Variants in ADK observed in about 807,000 individuals in gnomAD.
ADK encodes the protein adenosine kinase.
In ADK, 24 loss-of-function variants were observed where a neutral mutation model predicts 44.7. The observed-to-expected ratio is 0.54, with a 90% CI of 0.39 to 0.76. ADK has a LOEUF of 0.76. ADK is among the 30% of genes least tolerant of loss of function. The pLI is 0.00. For missense variants in ADK, 321 were observed against 425.1 expected (o/e 0.76, Z 2.15); for synonymous variants, 128 against 142.6 (o/e 0.90, Z 0.73).
chr10:74,641,966 T>A (rs1052707694), intron 9 of ADK, among the ~76,000 whole-genome samples: 1 of 152,242 alleles, frequency 6.6e-6, no homozygotes, highest in Non-Finnish European at 1.5e-5. Context: ...GAATCTCTTC[T>A]ATGAAATCAA....
intron 10 of ADK, among the ~76,000 whole-genome samples, chr10:74,694,272 C>A (rs1477968093): frequency 6.8e-6 from 1 of 147,090 alleles, no homozygotes; most frequent in East Asian, 2.0e-4. Flanking sequence ...CAGGATCAGG[C>A]CAGTGTGGTA....
chr10:74,662,404 C>T (rs1271422836), intron 9 of ADK, among the ~76,000 whole-genome samples: 1 of 152,152 alleles, frequency 6.6e-6, no homozygotes, highest in Non-Finnish European at 1.5e-5. Context: ...CCTCAGCCTA[C>T]TGAGTAGCTG....
rs149910841 is a variant in ADK at position 74,596,945 on chromosome 10, A to G, written c.763-3434A>G. The stretch of plus-strand genomic sequence containing the variant: ...TACTGACTAGAGAAGTTAAGATTTA[A>G]TGAGCACTTTAGAGCTATGTACATG... On this transcript the variant is annotated intron_variant, in intron 8 of 10. Coordinates refer to ENST00000539909, the MANE Select transcript of ADK (RefSeq NM_006721.4). Among the ~76,000 whole-genome samples, 894 of 152,330 alleles carry G rather than the reference A, an allele frequency of 5.9e-3. 5 individuals carry two copies. The highest frequency in any genetic ancestry group is 0.017 in the Middle Eastern group (5 of 294).
At chr10:74,263,787 G>A (rs767055248) in intron 3 of ADK, among the ~76,000 whole-genome samples, 114 of 152,246 alleles carry the variant, frequency 7.5e-4, no homozygotes, top group South Asian at 1.5e-3. Context: ...CCTTCGGCTC[G>A]CTTTTTCGTG....
chr10:74,580,127 T>C (rs895788531), intron 7 of ADK, among the ~76,000 whole-genome samples: 3 of 152,256 alleles, frequency 2.0e-5, no homozygotes, highest in African/African-American at 4.8e-5. Context: ...AAACAAAATA[T>C]TTGATATGGT....
intron 3 of ADK, among the ~76,000 whole-genome samples, chr10:74,265,355 A>G (rs1359276232): frequency 6.6e-6 from 1 of 151,916 alleles, no homozygotes; most frequent in Non-Finnish European, 1.5e-5. Context: ...AGCTAGGACT[A>G]CAGGTGCGCA....
chr10:74,615,294 T>A lies in ADK; in HGVS notation c.877+14801T>A, dbSNP rs74340371. ...ACTCATTATGGTTACATTATTCATTTGTAATACAGGTAGGGTCACTTGTTA... is the reference window on the plus strand; with the variant it reads ...ACTCATTATGGTTACATTATTCATTAGTAATACAGGTAGGGTCACTTGTTA... On this transcript the variant is annotated intron_variant, in intron 9 of 10. Transcript: ENST00000539909. Among the ~76,000 whole-genome samples the A allele has an allele frequency of 4.5e-3, 678 of 152,342 alleles. 6 individuals are homozygous for A. The highest frequency in any genetic ancestry group is 0.015 in the African/African-American group (636 of 41,584).
chr10:74,693,256 A>T (rs1856056412), intron 10 of ADK, among the ~76,000 whole-genome samples: 1 of 152,188 alleles, frequency 6.6e-6, no homozygotes, highest in Non-Finnish European at 1.5e-5. Context: ...TAAGGGGATG[A>T]GGGAAGATTT....
intron 6 of ADK, among the ~76,000 whole-genome samples, chr10:74,500,606 T>C (rs1847856893): frequency 6.6e-6 from 1 of 152,248 alleles, no homozygotes; most frequent in Non-Finnish European, 1.5e-5. Flanking sequence ...TAGTCACTTT[T>C]CTTATTTTAA....
chr10:74,474,628 C>T (rs1327955040), intron 6 of ADK, among the ~76,000 whole-genome samples: 1 of 151,780 alleles, frequency 6.6e-6, no homozygotes. Flanking sequence ...GCTGAAACCT[C>T]AGCATCCTGG....
intron 1 of ADK, among the ~76,000 whole-genome samples, chr10:74,187,622 A>G (rs1241614364): frequency 2.0e-5 from 3 of 152,078 alleles, no homozygotes. Flanking sequence ...AGCAAGTTGA[A>G]TTTGTTGATT....
At position 74,203,951 on chromosome 10, in the gene ADK, C is replaced by CTTTTTTTTTTTTTTTTTTTT. The variant is rs760810639; in HGVS notation, c.140+3116_140+3135dup. ...AGAATGTCTTTCCATTTATTTAGGTCTTTTTTTTTTTTTTTTTTTTTTGGA... is the reference window on the plus strand; with the variant it reads ...AGAATGTCTTTCCATTTATTTAGGTCTTTTTTTTTTTTTTTTTTTTTTTTTTTTTTTTTTTTTTTTTTGGA... On this transcript the variant is annotated intron_variant, in intron 2 of 10. Transcript: ENST00000539909. 2.1e-5 allele frequency among the ~76,000 whole-genome samples: 2 copies of CTTTTTTTTTTTTTTTTTTTT among 95,832 alleles called. 1 individual carries two copies. The highest frequency in any genetic ancestry group is 8.3e-5 in the African/African-American group (2 of 23,994). 62.9% of individuals were successfully genotyped at this position (95,832 alleles called of 152,430 possible). A position where few individuals can be genotyped will look rare whatever the true frequency, so the allele number is the denominator to read the frequency against.
chr10:74,519,754 G>A (rs1848732146), intron 6 of ADK, among the ~76,000 whole-genome samples: 1 of 151,668 alleles, frequency 6.6e-6, no homozygotes, highest in Non-Finnish European at 1.5e-5. Context: ...TAATGTTATG[G>A]TTTATTTATC....
At chr10:74,474,022 G>A (rs1645662381) in intron 6 of ADK, among the ~76,000 whole-genome samples, 1 of 152,104 alleles carries the variant, frequency 6.6e-6, no homozygotes, top group African/African-American at 2.4e-5. Flanking sequence ...CAACTATGGT[G>A]TTCTAATGGT....
At chr10:74,393,992 C>T (rs972081253) in intron 4 of ADK, 149 bp from the exon 5 acceptor site, 24 of 807,266 alleles carry the variant, frequency 3.0e-5, no homozygotes, top group East Asian at 2.5e-4. Context: ...TTTTTTTAAT[C>T]GTAAGTGATA....
chr10:74,451,843 A>G (rs1056681779), intron 6 of ADK, among the ~76,000 whole-genome samples: 5 of 152,116 alleles, frequency 3.3e-5, no homozygotes, highest in African/African-American at 9.6e-5. Context: ...GTATTTTTTG[A>G]TAGAATAGTA....
chr10:74,220,389 A>T (rs1228590875), intron 2 of ADK, among the ~76,000 whole-genome samples: 1 of 152,160 alleles, frequency 6.6e-6, no homozygotes, highest in Non-Finnish European at 1.5e-5. Context: ...TAGCTTACCA[A>T]CCAAAAAGAG....
chr10:74,216,839 A>G (rs1055609218), intron 2 of ADK, among the ~76,000 whole-genome samples: 1 of 152,200 alleles, frequency 6.6e-6, no homozygotes, highest in Non-Finnish European at 1.5e-5. Flanking sequence ...TTCATTCACA[A>G]TAGGTGAGGA....
intron 10 of ADK, among the ~76,000 whole-genome samples, chr10:74,690,999 A>G (rs991043972): frequency 5.3e-5 from 8 of 152,258 alleles, no homozygotes; most frequent in Admixed American, 2.0e-4. Flanking sequence ...CAGATCAGTC[A>G]AAGTTATAAT....
Sources: gnomAD v4.1 joint callset for allele counts (sites outside exome capture counted in the v4.1 genomes callset) on GRCh38, gnomAD v4.1.1 for gene constraint, MANE v1.5 for transcripts, NCBI Gene and HGNC (gene_info 2026-07-23, HGNC 2026-07-21) for gene names.